Variants in RAB40A observed in about 807,000 individuals in gnomAD.
RAB40A encodes the protein ras-related protein Rab-40A.
For missense variants in RAB40A, 145 were observed against 230.2 expected (o/e 0.63, Z 2.40); for synonymous variants, 65 against 99.9 (o/e 0.65, Z 2.08).
Position 103,500,023 on chromosome X carries a change from G to A in RAB40A, c.734C>T (p.Thr245Ile). The change falls in exon 3 of 3, where the codon ACC (threonine) becomes ATC (isoleucine). Residue 245 changes from threonine (T) to isoleucine (I), a missense_variant. By Grantham distance (89) the Thr-to-Ile change is moderately conservative (BLOSUM62 -1). Coordinates refer to ENST00000304236, the MANE Select transcript of RAB40A (RefSeq NM_080879.3). ...MMRGLSYSLT[T>I]SSTHKSSLCK... ...GAGGCTGCTCTTGTGAGTGGAGCTG[G>A]TGGTGAGGGAGTAGGAGAGGCCTCG... 1.7e-6 allele frequency: 2 copies of A among 1,210,832 alleles called. No individual in the cohort carries two copies.
At chrX:103,506,427 T>C (rs2073255299) in intron 2 of RAB40A, among the ~76,000 whole-genome samples, 1 of 112,055 alleles carries the variant, frequency 8.9e-6, no homozygotes, top group Non-Finnish European at 1.9e-5. Flanking sequence ...TTTAAAAAAA[T>C]ATATGATTTA....
chrX:103,514,908 A>G (rs924991784), intron 2 of RAB40A, among the ~76,000 whole-genome samples: 1 of 112,104 alleles, frequency 8.9e-6, no homozygotes. Flanking sequence ...TTATGTTTGT[A>G]TATTACCCCC....
At chrX:103,494,099 A>G in the RAB40A span, among the ~76,000 whole-genome samples, 1 of 112,068 alleles carries the variant, frequency 8.9e-6, no homozygotes, top group Non-Finnish European at 1.9e-5. Context: ...AGCATTTGTT[A>G]TTGCCTGTCT....
intron 2 of RAB40A, among the ~76,000 whole-genome samples, chrX:103,514,788 A>G (rs1369710913): frequency 3.6e-5 from 4 of 112,493 alleles, no homozygotes; most frequent in Non-Finnish European, 7.5e-5. Flanking sequence ...AGTTCTGATT[A>G]TAAAAATGAT....
chrX:103,507,664 A>T (rs890403665), intron 2 of RAB40A, among the ~76,000 whole-genome samples: 2 of 112,506 alleles, frequency 1.8e-5, no homozygotes, highest in Admixed American at 1.9e-4. Flanking sequence ...AATTACATAA[A>T]CTGTCCTTAA....
At chrX:103,504,475 C>G (rs1025120307) in intron 2 of RAB40A, among the ~76,000 whole-genome samples, 1 of 111,256 alleles carries the variant, frequency 9.0e-6, no homozygotes, top group African/African-American at 3.3e-5. Flanking sequence ...TCTTTCAGGT[C>G]CATTTCATTG....
chrX:103,509,277 A>T (rs2073273187), intron 2 of RAB40A, among the ~76,000 whole-genome samples: 1 of 98,238 alleles, frequency 1.0e-5, no homozygotes, highest in Non-Finnish European at 2.1e-5. Context: ...TCATCACCCA[A>T]TCAGCCACAG....
chrX:103,509,634 T>A (rs186294750), intron 2 of RAB40A, among the ~76,000 whole-genome samples: 1 of 28,083 alleles, frequency 3.6e-5, no homozygotes, highest in Non-Finnish European at 6.3e-5. Context: ...TTTCTGCATT[T>A]TCTGTTAACA....
At chrX:103,503,157 A>G in intron 2 of RAB40A, 1 of 753,901 alleles carries the variant, frequency 1.3e-6, no homozygotes, top group Non-Finnish European at 1.6e-6. Context: ...TTCCCAAGCT[A>G]GAAAGAAAAA....
intron 2 of RAB40A, among the ~76,000 whole-genome samples, chrX:103,515,421 A>G: frequency 8.9e-6 from 1 of 112,256 alleles, no homozygotes; most frequent in Non-Finnish European, 1.9e-5. Context: ...TCCTTTCCCA[A>G]TGTTTCAAAT....
chrX:103,516,821 T>C (rs2073319164), intron 2 of RAB40A, among the ~76,000 whole-genome samples: 1 of 111,948 alleles, frequency 8.9e-6, no homozygotes, highest in Non-Finnish European at 1.9e-5. Flanking sequence ...TATAGCATCC[T>C]GGGTTTTTTG....
chrX:103,499,438 T>C lies in RAB40A; in HGVS notation c.*485A>G, dbSNP rs1354928762. ...CTGTTATATACAATCTCTATATGCA[T>C]CTGCAGTGTTTTATAAATTGGTGCT... On this transcript the variant is annotated 3_prime_UTR_variant, in exon 3 of 3. Coordinates refer to ENST00000304236, the MANE Select transcript of RAB40A (RefSeq NM_080879.3). 1 of 183,926 alleles carries C rather than the reference T, an allele frequency of 5.4e-6. No individual in the cohort carries two copies. The highest frequency in any genetic ancestry group is 3.1e-5 in the African/African-American group (1 of 32,334). 15.2% of individuals were successfully genotyped at this position (183,926 alleles called of 1,213,427 possible). A position where few individuals can be genotyped will look rare whatever the true frequency, so the allele number is the denominator to read the frequency against.
intron 2 of RAB40A, among the ~76,000 whole-genome samples, chrX:103,513,589 G>C (rs2073302281): frequency 9.0e-6 from 1 of 111,608 alleles, no homozygotes; most frequent in Non-Finnish European, 1.9e-5. Flanking sequence ...TAGTAGATTG[G>C]ACACATAAAA....
rs148409034 is a variant in RAB40A, at chrX:103,505,587, C to T, written c.-70-4761G>A. On this transcript the variant is annotated intron_variant, in intron 2 of 2. Coordinates refer to ENST00000304236, the MANE Select transcript of RAB40A (RefSeq NM_080879.3). ...TAAAAACGTTAAGCGCCTTTTTATA[C>T]GTGCAGCTGTCGTATGGGATTCTTA... is the stretch of plus-strand genomic sequence containing the variant. Among the ~76,000 whole-genome samples, 116 of 111,335 alleles carry T rather than the reference C, an allele frequency of 1.0e-3. 3 individuals carry two copies. The East Asian group carries it at 0.028, about 27-fold the overall frequency.
intron 2 of RAB40A, among the ~76,000 whole-genome samples, chrX:103,511,684 C>G (rs1377321362): frequency 9.1e-6 from 1 of 109,296 alleles, no homozygotes; most frequent in Non-Finnish European, 1.9e-5. Context: ...ACATCACACA[C>G]CGGGGCCTGT....
chrX:103,513,823 T>C (rs965042863), intron 2 of RAB40A, among the ~76,000 whole-genome samples: 2 of 109,972 alleles, frequency 1.8e-5, no homozygotes, highest in Non-Finnish European at 3.8e-5. Context: ...CGTGCTGTGA[T>C]TGTGCCTGTT....
At chrX:103,496,502 C>A (rs146609607), downstream of RAB40A, among the ~76,000 whole-genome samples, 1,013 of 112,132 alleles carry the variant, frequency 9.0e-3, 29 homozygotes, top group East Asian at 0.14. Flanking sequence ...ATTAAACAAT[C>A]AGACAATGCT....
chrX:103,498,209 C>T (rs2073194184), downstream of RAB40A, among the ~76,000 whole-genome samples: 1 of 111,711 alleles, frequency 9.0e-6, no homozygotes, highest in African/African-American at 3.3e-5. Flanking sequence ...TTGGGGCCTG[C>T]TCCTTCAAGT....
intron 2 of RAB40A, among the ~76,000 whole-genome samples, chrX:103,516,332 G>A (rs895898039): frequency 2.7e-5 from 3 of 111,524 alleles, no homozygotes; most frequent in Non-Finnish European, 5.7e-5. Flanking sequence ...TTTAAATTTT[G>A]ATATTTTCCT....
Sources: allele counts gnomAD v4.1 joint callset (sites outside exome capture counted in the v4.1 genomes callset), GRCh38; gene constraint gnomAD v4.1.1; transcripts MANE v1.5; gene names NCBI Gene and HGNC (gene_info 2026-07-23, HGNC 2026-07-21).